Variants in RANBP2 observed in about 807,000 individuals in gnomAD.
RANBP2 encodes the protein RAN binding protein 2.
A neutral mutation model predicts 303.6 loss-of-function variants in RANBP2; 57 were observed. The ratio of observed to expected loss-of-function variants is 0.19; its 90% CI spans 0.15 to 0.23. The LOEUF (loss-of-function observed/expected upper bound fraction) is 0.23, where lower values mean the gene tolerates loss of function less well. Among genes scored for constraint, RANBP2 ranks in the 10% least tolerant of loss-of-function variants. The probability of loss-of-function intolerance (pLI) is 1.00; values close to 1 mark genes in which losing one functional copy is unlikely to be tolerated. For synonymous variants in RANBP2, 1,167 were observed against 1,301.5 expected (o/e 0.90, Z 2.23); for missense variants, 3,138 against 3,780.8 (o/e 0.83, Z 4.46).
At chr2:108,887,615 T>C in the RANBP2 span, among the ~76,000 whole-genome samples, 1 of 152,168 alleles carries the variant, frequency 6.6e-6, no homozygotes, top group Non-Finnish European at 1.5e-5. Flanking sequence ...TATTCCTAGG[T>C]ATTTTATTTT....
the RANBP2 span, among the ~76,000 whole-genome samples, chr2:109,235,847 C>T: frequency 6.6e-6 from 1 of 152,226 alleles, no homozygotes; most frequent in East Asian, 1.9e-4. Context: ...ACATGCTTGA[C>T]TGATAAAACC....
the RANBP2 span, among the ~76,000 whole-genome samples, chr2:109,748,011 CTTTTTTTTTTTTTT>C: frequency 1.9e-5 from 1 of 52,484 alleles, no homozygotes; most frequent in Non-Finnish European, 3.4e-5. Context: ...ACATTTATAC[CTTTTTTTTTTTTTT>C]TTTTTTTTTT....
chr2:109,220,299 T>C, the RANBP2 span, among the ~76,000 whole-genome samples: 2 of 152,162 alleles, frequency 1.3e-5, no homozygotes, highest in African/African-American at 4.8e-5. Flanking sequence ...GATCTCAACA[T>C]AAGAGCTAAA....
chr2:109,490,579 G>T, the RANBP2 span: 1 of 1,407,376 alleles, frequency 7.1e-7, no homozygotes, highest in Non-Finnish European at 9.3e-7. Flanking sequence ...TCACCTGTTT[G>T]GTTTCCATCT....
At chr2:109,234,268 C>T in the RANBP2 span, among the ~76,000 whole-genome samples, 1 of 152,176 alleles carries the variant, frequency 6.6e-6, no homozygotes, top group Non-Finnish European at 1.5e-5. Flanking sequence ...ACTAAGGATG[C>T]CAGTAAATGC....
the RANBP2 span, among the ~76,000 whole-genome samples, chr2:109,361,080 G>A: frequency 2.0e-5 from 3 of 152,156 alleles, no homozygotes; most frequent in Non-Finnish European, 4.4e-5. Context: ...TTACTGATAT[G>A]AGCATGTGAT....
chr2:108,786,958 G>A (rs951857362), downstream of RANBP2: 2 of 1,368,666 alleles, frequency 1.5e-6, no homozygotes, highest in African/African-American at 1.5e-5. Flanking sequence ...TCCTGCTGCT[G>A]GGGGGCGGCC....
At position 108,729,187 on chromosome 2, in the gene RANBP2, A is replaced by T. The variant is rs751086162; in HGVS notation, c.128A>T (p.Asp43Val). The T allele has an allele frequency of 1.3e-6, 2 of 1,569,702 alleles. No homozygotes were observed. Among genetic ancestry groups the T allele is most frequent in the Middle Eastern group, 2.3e-4 (1 of 4,308 alleles). ...AKLYYEAKEY[D>V]LAKKYICTYI... is the part of the protein sequence containing the mutation. Reference sequence around the variant, plus strand: ...CTGTATTATGAAGCTAAAGAATATGATCTTGCTAAAAAGTAAGTACAAACT... The same window carrying T: ...CTGTATTATGAAGCTAAAGAATATGTTCTTGCTAAAAAGTAAGTACAAACT... Residue 43 changes from aspartate to valine, a missense_variant, in exon 2 of 29, where the codon GAT becomes GTT. Physicochemically the swap from Asp to Val is radical, Grantham distance 152. Around this residue, in one of 20 missense-constraint regions of RANBP2, gnomAD observed 306 missense variants for 381.9 expected, o/e 0.80. Transcript: ENST00000283195.
the RANBP2 span, among the ~76,000 whole-genome samples, chr2:109,431,290 A>G: frequency 6.6e-6 from 1 of 152,162 alleles, no homozygotes; most frequent in Non-Finnish European, 1.5e-5. Flanking sequence ...ATCACTCTTC[A>G]TTAACATTCA....
the RANBP2 span, among the ~76,000 whole-genome samples, chr2:109,464,744 C>A: frequency 2.0e-5 from 3 of 152,220 alleles, no homozygotes; most frequent in Non-Finnish European, 2.9e-5. Flanking sequence ...CACACATGCA[C>A]AATCTCTTCT....
chr2:109,470,696 C>T, the RANBP2 span, among the ~76,000 whole-genome samples: 1 of 152,182 alleles, frequency 6.6e-6, no homozygotes, highest in Non-Finnish European at 1.5e-5. Context: ...GAGGATGGGT[C>T]ATCACAGAAA....
At chr2:109,047,339 G>A in the RANBP2 span, among the ~76,000 whole-genome samples, 3 of 152,136 alleles carry the variant, frequency 2.0e-5, no homozygotes, top group African/African-American at 7.2e-5. Context: ...TGTTAGCAGG[G>A]GACTCTTGAT....
the RANBP2 span, among the ~76,000 whole-genome samples, chr2:109,357,583 G>T: frequency 6.6e-6 from 1 of 152,216 alleles, no homozygotes; most frequent in Admixed American, 6.5e-5. Flanking sequence ...TAACACTACA[G>T]ATGAGTTGTG....
chr2:108,759,069 G>GAT (rs1676535531), intron 18 of RANBP2, among the ~76,000 whole-genome samples: 1 of 150,760 alleles, frequency 6.6e-6, no homozygotes, highest in Non-Finnish European at 1.5e-5. Context: ...GAAACGTGGA[G>GAT]ATAATACTTG....
At chr2:109,213,843 C>T in the RANBP2 span, among the ~76,000 whole-genome samples, 1 of 152,126 alleles carries the variant, frequency 6.6e-6, no homozygotes, top group Non-Finnish European at 1.5e-5. Flanking sequence ...GGGTTACAGC[C>T]CGTGGGTCGT....
the RANBP2 span, among the ~76,000 whole-genome samples, chr2:109,386,309 C>T: frequency 4.6e-5 from 7 of 152,146 alleles, no homozygotes; most frequent in Non-Finnish European, 8.8e-5. Context: ...GTACAGGTGA[C>T]ATTGTGTGGC....
At chr2:108,756,943 C>A (rs1676364249) in intron 17 of RANBP2, among the ~76,000 whole-genome samples, 1 of 152,170 alleles carries the variant, frequency 6.6e-6, no homozygotes, top group Non-Finnish European at 1.5e-5. Context: ...TGTGTAGCAT[C>A]TGGACTAGGC....
chr2:109,539,789 TAA>T, the RANBP2 span, among the ~76,000 whole-genome samples: 14 of 152,274 alleles, frequency 9.2e-5, no homozygotes, highest in South Asian at 1.9e-3. Flanking sequence ...AAATGTCACA[TAA>T]ATGAAATCAT....
chr2:109,456,132 T>C, the RANBP2 span, among the ~76,000 whole-genome samples: 1 of 152,196 alleles, frequency 6.6e-6, no homozygotes, highest in Non-Finnish European at 1.5e-5. Flanking sequence ...GCAAAGTCAC[T>C]GAAGAGTCTC....
Sources: allele counts gnomAD v4.1 joint callset (sites outside exome capture counted in the v4.1 genomes callset), GRCh38; gene constraint gnomAD v4.1.1; regional missense constraint gnomAD v4.1.1; transcripts MANE v1.5; gene names NCBI Gene and HGNC (gene_info 2026-07-23, HGNC 2026-07-21).